The following RALGAPB variants were observed in gnomAD, a reference collection of about 807,000 sequenced individuals.
RALGAPB encodes the protein Ral GTPase activating protein non-catalytic subunit beta.
RALGAPB carries 25 observed loss-of-function variants against 161.1 expected under a neutral mutation model. The ratio of observed to expected loss-of-function variants is 0.16; its 90% CI spans 0.11 to 0.22. RALGAPB has a LOEUF of 0.22. RALGAPB is among the 10% of genes least tolerant of loss of function. The probability of loss-of-function intolerance (pLI) is 1.00; values close to 1 mark genes in which losing one functional copy is unlikely to be tolerated. For synonymous variants in RALGAPB, 629 were observed against 626.1 expected (o/e 1.00, Z -0.07); for missense variants, 1,391 against 1,815.2 (o/e 0.77, Z 4.25).
chr20:38,533,529 C>A (rs1683945274), intron 15 of RALGAPB, among the ~76,000 whole-genome samples: 1 of 152,060 alleles, frequency 6.6e-6, no homozygotes, highest in Admixed American at 6.5e-5. Context: ...TATCTAGATT[C>A]TTAGATGTGA....
At chr20:38,486,969 G>A (rs2085132967) in intron 1 of RALGAPB, among the ~76,000 whole-genome samples, 1 of 152,194 alleles carries the variant, frequency 6.6e-6, no homozygotes, top group African/African-American at 2.4e-5. Context: ...TGTGGTGAAT[G>A]TATCCGTACA....
intron 6 of RALGAPB, among the ~76,000 whole-genome samples, chr20:38,511,791 C>G (rs2085964769): frequency 6.6e-6 from 1 of 152,228 alleles, no homozygotes; most frequent in African/African-American, 2.4e-5. Flanking sequence ...TCCCGCTTTT[C>G]TATTCGACAA....
intron 6 of RALGAPB, among the ~76,000 whole-genome samples, chr20:38,512,882 C>A (rs968272754): frequency 2.0e-5 from 3 of 152,178 alleles, no homozygotes; most frequent in African/African-American, 7.2e-5. Flanking sequence ...GCCTCAGCCT[C>A]CTGAGTAGCT....
chr20:38,532,052 T>C (rs1372845877), intron 14 of RALGAPB, among the ~76,000 whole-genome samples: 2 of 152,178 alleles, frequency 1.3e-5, no homozygotes, highest in Non-Finnish European at 2.9e-5. Flanking sequence ...TTTTTTGTTT[T>C]GTTTTGTTTT....
Position 38,548,784 on chromosome 20 carries a change from G to A in RALGAPB, c.2998G>A (p.Ala1000Thr). The A allele has an allele frequency of 1.2e-6, 2 of 1,610,754 alleles. No homozygotes were observed. Among genetic ancestry groups the A allele is most frequent in the Non-Finnish European group, 1.7e-6 (2 of 1,176,988 alleles). The part of the protein sequence containing the change: ...QLCLLPRGAK[A>T]NQKLFVPEPR... Reference sequence around the variant, plus strand: ...TTGTCTTTTACCCAGAGGAGCAAAAGCAAATCAGAAGGTATTCATCAGAAG... The same window carrying A: ...TTGTCTTTTACCCAGAGGAGCAAAAACAAATCAGAAGGTATTCATCAGAAG... The change falls in exon 20 of 30, where the codon GCA (alanine) becomes ACA (threonine). Residue 1000 changes from alanine to threonine, a missense_variant. Around this residue, in one of 3 missense-constraint regions of RALGAPB, gnomAD observed 946 missense variants for 1,257.2 expected, o/e 0.75. Transcript: ENST00000262879.
At chr20:38,510,157 C>G (rs1039435488) in intron 6 of RALGAPB, among the ~76,000 whole-genome samples, 2 of 151,292 alleles carry the variant, frequency 1.3e-5, no homozygotes, top group Non-Finnish European at 3.0e-5. Context: ...CACACACACA[C>G]ACACACACAG....
Position 38,578,073 on chromosome 20 carries a change from A to G in RALGAPB, c.*3106A>G, listed in dbSNP as rs151118207. 6 of 152,134 alleles carry G rather than the reference A, an allele frequency of 3.9e-5. No homozygotes were observed. Among genetic ancestry groups the G allele is most frequent in the African/African-American group, 1.4e-4 (6 of 41,438 alleles). 9.4% of individuals were successfully genotyped at this position (152,134 alleles called of 1,614,324 possible). On this transcript the variant is annotated 3_prime_UTR_variant, in exon 30 of 30. Coordinates refer to ENST00000262879, the MANE Select transcript of RALGAPB (RefSeq NM_020336.4). ...AATAAATAAATAAATAAATAATAAAAAAAGAAACATGTATTGGAGGTAATT... is the reference window on the plus strand; with the variant it reads ...AATAAATAAATAAATAAATAATAAAGAAAGAAACATGTATTGGAGGTAATT...
rs2088352906 is a variant in RALGAPB, at chr20:38,574,308, TCATATGTGGC to T, written c.4291+12_4291+21del. ...AGCAGGCGAGCTCTTGGTAAGGTCTTCATATGTGGCCGAAGAGTTAAATTTTCTTTTTCTT... is the reference window on the plus strand; with the variant it reads ...AGCAGGCGAGCTCTTGGTAAGGTCTTCGAAGAGTTAAATTTTCTTTTTCTT... On this transcript the variant is annotated intron_variant, in intron 29 of 29. Transcript: ENST00000262879. 6.3e-7 allele frequency: 1 copy of T among 1,585,674 alleles called. No homozygotes were observed. Among genetic ancestry groups the T allele is most frequent in the Non-Finnish European group, 8.5e-7 (1 of 1,171,140 alleles).
chr20:38,572,120 C>T (rs144222908), intron 28 of RALGAPB, among the ~76,000 whole-genome samples: 64 of 152,202 alleles, frequency 4.2e-4, no homozygotes, highest in African/African-American at 1.4e-3. Context: ...GTTAAATTGG[C>T]CAAAACAGTG....
At chr20:38,500,298 C>T (rs554333344) in intron 5 of RALGAPB, among the ~76,000 whole-genome samples, 153 of 151,368 alleles carry the variant, frequency 1.0e-3, no homozygotes, top group Non-Finnish European at 1.8e-3. Flanking sequence ...GCGAGTCTGT[C>T]GGGTGCCATT....
intron 20 of RALGAPB, among the ~76,000 whole-genome samples, chr20:38,550,477 C>G (rs2087339448): frequency 6.6e-6 from 1 of 152,156 alleles, no homozygotes; most frequent in Non-Finnish European, 1.5e-5. Flanking sequence ...AGAGCACATC[C>G]TGTCATCAAC....
intron 1 of RALGAPB, among the ~76,000 whole-genome samples, chr20:38,479,115 A>G (rs982761318): frequency 5.9e-5 from 9 of 152,142 alleles, no homozygotes; most frequent in African/African-American, 2.2e-4. Context: ...ATTGAATACT[A>G]CTGTACCATG....
chr20:38,500,455 T>TTC (rs2085554323), intron 5 of RALGAPB, among the ~76,000 whole-genome samples: 2 of 152,206 alleles, frequency 1.3e-5, no homozygotes, highest in Admixed American at 1.3e-4. Flanking sequence ...ACTACACCTA[T>TTC]ATAAAATGGT....
At chr20:38,544,845 A>G (rs551383246) in intron 18 of RALGAPB, among the ~76,000 whole-genome samples, 3 of 152,312 alleles carry the variant, frequency 2.0e-5, no homozygotes, top group South Asian at 2.1e-4. Flanking sequence ...ATGTACTCGG[A>G]CTGCATTGCA....
At position 38,575,271 on chromosome 20, in the gene RALGAPB, G is replaced by C. The variant is rs1339037750; in HGVS notation, c.*304G>C. ...GCCTTTTGAGGAGAAAGGCTTTTAT[G>C]CATCTCAGTTAAACACGTGCATTGG... On this transcript the variant is annotated 3_prime_UTR_variant, in exon 30 of 30. Transcript: ENST00000262879. 3.8e-6 allele frequency: 1 copy of C among 265,446 alleles called. No homozygotes were observed. Among genetic ancestry groups the C allele is most frequent in the South Asian group, 6.8e-5 (1 of 14,728 alleles). 16.4% of individuals were successfully genotyped at this position (265,446 alleles called of 1,614,324 possible).
intron 5 of RALGAPB, among the ~76,000 whole-genome samples, chr20:38,506,612 T>C (rs2085770539): frequency 6.6e-6 from 1 of 152,218 alleles, no homozygotes; most frequent in Admixed American, 6.5e-5. Context: ...TGCTTTATTT[T>C]TCTTTGCAAT....
chr20:38,486,840 T>C (rs1289173162), intron 1 of RALGAPB, among the ~76,000 whole-genome samples: 2 of 152,216 alleles, frequency 1.3e-5, no homozygotes, highest in African/African-American at 2.4e-5. Flanking sequence ...CCTTCTGATA[T>C]CTTCCTTTTT....
intron 1 of RALGAPB, among the ~76,000 whole-genome samples, chr20:38,483,463 C>T (rs1193374253): frequency 6.6e-6 from 1 of 152,202 alleles, no homozygotes; most frequent in Admixed American, 6.5e-5. Flanking sequence ...ACTTCCCCAT[C>T]TTATATGTAA....
intron 3 of RALGAPB, among the ~76,000 whole-genome samples, chr20:38,493,779 C>A (rs2085339597): frequency 6.6e-6 from 1 of 152,194 alleles, no homozygotes; most frequent in South Asian, 2.1e-4. Context: ...TTTGGAAAAT[C>A]TGAATTAAAA....
Sources: allele counts gnomAD v4.1 joint callset (sites outside exome capture counted in the v4.1 genomes callset), GRCh38; gene constraint gnomAD v4.1.1; regional missense constraint gnomAD v4.1.1; transcripts MANE v1.5; gene names NCBI Gene and HGNC (gene_info 2026-07-23, HGNC 2026-07-21).